GALNTL6: variants seen among roughly 807,000 people sequenced by gnomAD.
The protein encoded by GALNTL6 is polypeptide N-acetylgalactosaminyltransferase like 6.
GALNTL6 carries 46 observed loss-of-function variants against 73.7 expected under a neutral mutation model. The ratio of observed to expected loss-of-function variants is 0.62; its 90% CI spans 0.49 to 0.80. The LOEUF is 0.80. GALNTL6 is among the 30% of genes least tolerant of loss of function. The pLI, the probability that GALNTL6 is intolerant of heterozygous loss-of-function variation, is 0.00. For synonymous variants in GALNTL6, 259 were observed against 263.7 expected, an observed-to-expected ratio of 0.98 and a Z score of 0.17; for missense variants, 604 against 755.0, an observed-to-expected ratio of 0.80 and a Z score of 2.34.
intron 10 of GALNTL6, among the ~76,000 whole-genome samples, chr4:172,964,299 A>G (rs1000970941): frequency 2.0e-5 from 3 of 152,184 alleles, no homozygotes; most frequent in African/African-American, 4.8e-5. Context: ...TTTATAGTCT[A>G]AAAAGAAGAG....
At chr4:172,888,437 A>C (rs1202799069) in intron 8 of GALNTL6, among the ~76,000 whole-genome samples, 1 of 152,220 alleles carries the variant, frequency 6.6e-6, no homozygotes, top group Non-Finnish European at 1.5e-5. Context: ...TATTTATTGA[A>C]TAGGAAGTCC....
chr4:172,443,429 G>C (rs1483323163), intron 5 of GALNTL6, among the ~76,000 whole-genome samples: 1 of 151,680 alleles, frequency 6.6e-6, no homozygotes, highest in South Asian at 2.1e-4. Flanking sequence ...GCCTCCCAAA[G>C]TGCTGGGATT....
At chr4:172,105,226 G>A (rs1732643499) in intron 2 of GALNTL6, among the ~76,000 whole-genome samples, 1 of 151,942 alleles carries the variant, frequency 6.6e-6, no homozygotes, top group East Asian at 1.9e-4. Flanking sequence ...AACATATGAA[G>A]GGTTCAACAT....
At chr4:172,575,417 A>G (rs893560059) in intron 5 of GALNTL6, among the ~76,000 whole-genome samples, 17 of 152,178 alleles carry the variant, frequency 1.1e-4, no homozygotes, top group Non-Finnish European at 2.1e-4. Flanking sequence ...TACACCAGCA[A>G]CAATCCTTTA....
chr4:172,474,794 T>A (rs1008072618), intron 5 of GALNTL6, among the ~76,000 whole-genome samples: 11 of 152,360 alleles, frequency 7.2e-5, no homozygotes, highest in Middle Eastern at 3.4e-3. Context: ...TCTTGGGTCA[T>A]TTTTCTGTGA....
At chr4:172,218,525 C>A (rs1736567809) in intron 2 of GALNTL6, among the ~76,000 whole-genome samples, 2 of 152,020 alleles carry the variant, frequency 1.3e-5, no homozygotes, top group African/African-American at 4.8e-5. Context: ...ATGGGTCCTG[C>A]AGTTTCTGCT....
At chr4:172,031,747 C>T (rs185283577) in intron 2 of GALNTL6, among the ~76,000 whole-genome samples, 49 of 151,940 alleles carry the variant, frequency 3.2e-4, no homozygotes, top group Admixed American at 1.5e-3. Flanking sequence ...AATACTGCTC[C>T]TGCTGTATTT....
intron 5 of GALNTL6, among the ~76,000 whole-genome samples, chr4:172,805,981 A>G (rs1740934794): frequency 1.3e-5 from 2 of 152,332 alleles, no homozygotes; most frequent in South Asian, 4.1e-4. Flanking sequence ...TAAAAGTTTT[A>G]AAATAAGAAA....
chr4:172,668,767 G>A (rs1731809953), intron 5 of GALNTL6: 1 of 152,074 alleles, frequency 6.6e-6, no homozygotes, highest in Admixed American at 6.6e-5. Context: ...ATCCTTCCTT[G>A]TGGATGGCCC....
chr4:172,782,925 G>T lies in GALNTL6; in HGVS notation c.554-26436G>T, dbSNP rs763918793. ...AGTGACTTTTCGAAGAGCTTGTTATGCATGGTCTAGAAAAAATGTCACATG... is the reference window on the plus strand; with the variant it reads ...AGTGACTTTTCGAAGAGCTTGTTATTCATGGTCTAGAAAAAATGTCACATG... On this transcript the variant is annotated intron_variant, in intron 5 of 12. Transcript: ENST00000506823. 7.0e-4 allele frequency among the ~76,000 whole-genome samples: 106 copies of T among 152,058 alleles called. 1 individual carries two copies. Among genetic ancestry groups the T allele is most frequent in the Non-Finnish European group, 2.6e-4 (18 of 67,982 alleles).
intron 4 of GALNTL6, among the ~76,000 whole-genome samples, chr4:172,324,666 A>G (rs1482022273): frequency 6.6e-6 from 1 of 151,208 alleles, no homozygotes; most frequent in Non-Finnish European, 1.5e-5. Context: ...ATTTACCAAA[A>G]TAGAACATAT....
rs144512047 is a variant in GALNTL6 at position 172,184,803 on chromosome 4, G to A, written c.139-44853G>A. 4.0e-3 allele frequency among the ~76,000 whole-genome samples: 610 copies of A among 152,290 alleles called. 2 individuals are homozygous for A. Among genetic ancestry groups the A allele is most frequent in the African/African-American group, 0.014 (571 of 41,566 alleles). ...CGAGGGATTGGCATTGTTGAAGAAT[G>A]GCAAAAGGTAGAAGGACAAGGGGGC... On this transcript the variant is annotated intron_variant, in intron 2 of 12. Transcript: ENST00000506823.
chr4:172,124,894 GA>G (rs1011154048), intron 2 of GALNTL6, among the ~76,000 whole-genome samples: 13 of 149,348 alleles, frequency 8.7e-5, no homozygotes, highest in Admixed American at 2.0e-4. Context: ...CTGGTTACAT[GA>G]AAAAAAAAAT....
chr4:172,805,511 G>A lies in GALNTL6; in HGVS notation c.554-3850G>A, dbSNP rs1197866032. Among the ~76,000 whole-genome samples, 7 of 151,970 alleles carry A rather than the reference G, an allele frequency of 4.6e-5. 1 individual carries two copies. The highest frequency in any genetic ancestry group is 4.2e-4 in the South Asian group (2 of 4,818). On this transcript the variant is annotated intron_variant, in intron 5 of 12. Coordinates refer to ENST00000506823, the MANE Select transcript of GALNTL6 (RefSeq NM_001034845.3). ...ATTTTTCCATATCATCAGGATATAC[G>A]GGTGCTCAGTGGATTTTAACAGTAA... is the stretch of plus-strand genomic sequence containing the variant.
At chr4:172,777,275 C>T (rs4422401) in intron 5 of GALNTL6, among the ~76,000 whole-genome samples, 79,615 of 151,958 alleles carry the variant, frequency 0.52, 21,622 homozygotes, top group East Asian at 0.78. Context: ...ATTATAGCTA[C>T]GTATCTTTCC....
chr4:171,843,047 T>C (rs1420198974), intron 2 of GALNTL6, among the ~76,000 whole-genome samples: 3 of 152,142 alleles, frequency 2.0e-5, no homozygotes, highest in African/African-American at 7.2e-5. Context: ...TAGACCATTT[T>C]TCTTTCTTCT....
intron 5 of GALNTL6, among the ~76,000 whole-genome samples, chr4:172,641,680 T>G (rs1169456821): frequency 6.6e-6 from 1 of 152,116 alleles, no homozygotes; most frequent in Non-Finnish European, 1.5e-5. Context: ...GGACGTTTTC[T>G]TTATTCATGA....
At chr4:171,925,935 A>G (rs977267644) in intron 2 of GALNTL6, among the ~76,000 whole-genome samples, 21 of 152,138 alleles carry the variant, frequency 1.4e-4, no homozygotes, top group African/African-American at 5.1e-4. Context: ...TATGTGGCCA[A>G]AAATACTTTT....
At chr4:172,482,300 C>G (rs1264561055) in intron 5 of GALNTL6, among the ~76,000 whole-genome samples, 1 of 152,242 alleles carries the variant, frequency 6.6e-6, no homozygotes, top group Non-Finnish European at 1.5e-5. Flanking sequence ...CAGCCTCCGA[C>G]AGCCCAGAGA....
Sources: gnomAD v4.1 joint callset for allele counts (sites outside exome capture counted in the v4.1 genomes callset) on GRCh38, gnomAD v4.1.1 for gene constraint, MANE v1.5 for transcripts, NCBI Gene and HGNC (gene_info 2026-07-23, HGNC 2026-07-21) for gene names.